KALRN: variants seen among roughly 807,000 people sequenced by gnomAD.
The protein encoded by KALRN is kalirin.
KALRN carries 70 observed loss-of-function variants against 353.7 expected under a neutral mutation model. The observed-to-expected ratio is 0.20, with a 90% CI of 0.16 to 0.24. KALRN has a LOEUF of 0.24. Ranked by LOEUF, KALRN falls within the 10% of genes least tolerant of loss-of-function variation. KALRN has a pLI of 1.00. For synonymous variants in KALRN, 1,391 were observed against 1,434.8 expected, an observed-to-expected ratio of 0.97 and a Z score of 0.69; for missense variants, 2,791 against 3,756.7, an observed-to-expected ratio of 0.74 and a Z score of 6.72.
intron 34 of KALRN, among the ~76,000 whole-genome samples, chr3:124,629,864 G>A (rs985612159): frequency 2.0e-4 from 30 of 151,336 alleles, no homozygotes; most frequent in African/African-American, 7.3e-4. Flanking sequence ...TCTATGTATA[G>A]CTAGGTAAGA....
chr3:124,349,254 T>G (rs2082595748), intron 10 of KALRN, among the ~76,000 whole-genome samples: 4 of 152,186 alleles, frequency 2.6e-5, no homozygotes, highest in Admixed American at 2.6e-4. Context: ...ATGATTCTAC[T>G]TATACCTAGA....
chr3:124,492,677 G>A (rs1695496788), intron 31 of KALRN, 63 bp from the exon 32 acceptor site: 1 of 1,551,706 alleles, frequency 6.4e-7, no homozygotes. Context: ...GGAGGGTTGA[G>A]AACTGTTTTT....
intron 34 of KALRN, among the ~76,000 whole-genome samples, chr3:124,619,461 T>C (rs1358516208): frequency 6.7e-6 from 1 of 150,184 alleles, no homozygotes; most frequent in Non-Finnish European, 1.5e-5. Context: ...GGTCATGTGA[T>C]AATTCCTTTT....
chr3:124,568,158 C>A (rs753692739), intron 34 of KALRN, among the ~76,000 whole-genome samples: 1 of 152,126 alleles, frequency 6.6e-6, no homozygotes, highest in Non-Finnish European at 1.5e-5. Flanking sequence ...TCAACAACAA[C>A]AACCAAAAAC....
intron 7 of KALRN, among the ~76,000 whole-genome samples, chr3:124,326,773 G>A (rs1272086920): frequency 2.0e-5 from 3 of 152,202 alleles, no homozygotes; most frequent in African/African-American, 7.2e-5. Flanking sequence ...CCAGCTCATG[G>A]AGAGACAGTT....
intron 6 of KALRN, among the ~76,000 whole-genome samples, chr3:124,307,656 T>C (rs28837412): frequency 0.039 from 5,872 of 151,926 alleles, 187 homozygotes; most frequent in East Asian, 0.086. Context: ...TCAGTAAAGA[T>C]ACCAAGATGC....
intron 33 of KALRN, among the ~76,000 whole-genome samples, chr3:124,507,992 A>ATTAT (rs2108775330): frequency 6.6e-6 from 1 of 152,176 alleles, no homozygotes; most frequent in African/African-American, 2.4e-5. Flanking sequence ...TTTATTCTAT[A>ATTAT]TTATTTTTTA....
intron 10 of KALRN, among the ~76,000 whole-genome samples, chr3:124,366,840 C>A (rs1362386804): frequency 1.4e-5 from 2 of 144,134 alleles, no homozygotes; most frequent in African/African-American, 2.7e-5. Flanking sequence ...GGGTCTGACC[C>A]CCCCACCTCC....
At position 124,650,850 on chromosome 3, in the gene KALRN, G is replaced by T. The variant is rs776670607; in HGVS notation, c.5707G>T (p.Ala1903Ser). The change falls in exon 38 of 60, where the codon GCA becomes TCA. Residue 1903 changes from alanine (A) to serine (S), a missense_variant. Transcript: ENST00000682506. ...ATACCGGGGGAGCTTGAAAGACCCTGCAGGCTGCCTGAATGAGGGGATGGC... is the reference window on the plus strand; with the variant it reads ...ATACCGGGGGAGCTTGAAAGACCCTTCAGGCTGCCTGAATGAGGGGATGGC... ...SSYRGSLKDP[A>S]GCLNEGMAPP... is the part of the protein sequence containing the mutation. 4.3e-6 allele frequency: 7 copies of T among 1,613,938 alleles called. No homozygotes were observed. The Admixed American group carries it at 1.2e-4, about 27-fold the overall frequency.
Position 124,164,685 on chromosome 3 carries a change from T to C in KALRN, c.74-63305T>C, listed in dbSNP as rs371830658. ...ATAAAGTTATATTTGCTAAAAACTG[T>C]ATTTGATTAGTTTGGACTTCTTTTT... is the stretch of plus-strand genomic sequence containing the variant. On this transcript the variant is annotated intron_variant, in intron 1 of 59. Transcript: ENST00000682506. The C allele has an allele frequency of 3.9e-5, 6 of 152,304 alleles. No individual in the cohort carries two copies. The South Asian group carries it at 1.2e-3, about 32-fold the overall frequency. The allele number at this position is 152,304 out of a possible 1,614,324, so 9.4% of individuals were successfully genotyped here.
At chr3:124,666,732 C>T (rs946842849) in intron 46 of KALRN, 98 bp downstream of exon 46, 14 of 972,692 alleles carry the variant, frequency 1.4e-5, no homozygotes, top group African/African-American at 4.8e-5. Flanking sequence ...CATCCAGAAC[C>T]GTGAAGATCT....
At chr3:124,644,385 A>G (rs975710151) in intron 37 of KALRN, among the ~76,000 whole-genome samples, 2 of 151,924 alleles carry the variant, frequency 1.3e-5, no homozygotes, top group Non-Finnish European at 2.9e-5. Flanking sequence ...GTGCAGGTTT[A>G]TTACATAGGT....
chr3:124,584,192 A>AT (rs531934923), intron 34 of KALRN, among the ~76,000 whole-genome samples: 100 of 152,268 alleles, frequency 6.6e-4, no homozygotes, highest in Admixed American at 2.4e-3. Context: ...TTTTCACGTC[A>AT]TTACAGTTGG....
At chr3:124,277,632 C>G (rs528053055) in intron 5 of KALRN, among the ~76,000 whole-genome samples, 177 of 152,306 alleles carry the variant, frequency 1.2e-3, no homozygotes, top group South Asian at 0.011. Context: ...TTTCTTCCCT[C>G]TCCTGCATTT....
chr3:124,379,008 C>A lies in KALRN; in HGVS notation c.1771-5837C>A, dbSNP rs114097207. Among the ~76,000 whole-genome samples the A allele has an allele frequency of 1.4e-3, 206 of 151,914 alleles. 1 individual carries two copies. Among genetic ancestry groups the A allele is most frequent in the African/African-American group, 4.8e-3 (201 of 41,468 alleles). On this transcript the variant is annotated intron_variant, in intron 10 of 59. Transcript: ENST00000682506. ...TATCTTTAGGTATCTTTTCCAATAC[C>A]CTCCTCTTCTCCTAGGGAATCTCAA...
chr3:124,268,077 T>C (rs1459863029), intron 4 of KALRN, among the ~76,000 whole-genome samples: 1 of 152,168 alleles, frequency 6.6e-6, no homozygotes, highest in Non-Finnish European at 1.5e-5. Flanking sequence ...TGTTTACTAA[T>C]AAACTAAGGT....
intron 11 of KALRN, among the ~76,000 whole-genome samples, chr3:124,385,583 T>A (rs1297161230): frequency 2.0e-5 from 3 of 152,200 alleles, no homozygotes; most frequent in African/African-American, 4.8e-5. Flanking sequence ...TCACTTTGCC[T>A]GACTGTGGAG....
At chr3:124,095,950 C>T (rs2061419528) in intron 1 of KALRN, 1 of 151,926 alleles carries the variant, frequency 6.6e-6, no homozygotes, top group African/African-American at 2.4e-5. Flanking sequence ...GACAGCTGCA[C>T]AGAGCAGGTG....
At chr3:124,537,189 G>A (rs1481267864) in intron 33 of KALRN, among the ~76,000 whole-genome samples, 1 of 152,124 alleles carries the variant, frequency 6.6e-6, no homozygotes, top group Non-Finnish European at 1.5e-5. Flanking sequence ...CTACAGGCAG[G>A]TGCCACTACG....
Sources: gnomAD v4.1 joint callset for allele counts (sites outside exome capture counted in the v4.1 genomes callset) on GRCh38, gnomAD v4.1.1 for gene constraint, MANE v1.5 for transcripts, NCBI Gene and HGNC (gene_info 2026-07-23, HGNC 2026-07-21) for gene names.